DAW1: variants seen among roughly 807,000 people sequenced by gnomAD.
The protein encoded by DAW1 is dynein assembly factor with WD repeats 1.
In DAW1, 47 loss-of-function variants were observed where a neutral mutation model predicts 56.5. The ratio of observed to expected loss-of-function variants is 0.83; its 90% CI spans 0.66 to 1.06. The LOEUF is 1.06. Ranked by LOEUF, DAW1 falls within the 50% of genes least tolerant of loss-of-function variation. DAW1 has a pLI of 0.00. For synonymous variants in DAW1, 190 were observed against 179.0 expected (o/e 1.06, Z -0.49); for missense variants, 505 against 499.3 (o/e 1.01, Z -0.11).
chr2:227,893,990 A>T (rs1442718653), intron 5 of DAW1, 73 bp downstream of exon 5: 1 of 1,436,334 alleles, frequency 7.0e-7, no homozygotes, highest in East Asian at 2.5e-5. Flanking sequence ...GGAGAAAGGG[A>T]AGAAGACAAG....
At chr2:227,901,732 A>G (rs1691551261) in intron 6 of DAW1, among the ~76,000 whole-genome samples, 1 of 152,228 alleles carries the variant, frequency 6.6e-6, no homozygotes, top group South Asian at 2.1e-4. Flanking sequence ...GAGTGAGCAG[A>G]AGATGGACAA....
At chr2:227,880,469 C>T (rs190457370) in intron 1 of DAW1, among the ~76,000 whole-genome samples, 1 of 150,098 alleles carries the variant, frequency 6.7e-6, no homozygotes, top group Non-Finnish European at 1.5e-5. Context: ...TGCTTTTGAT[C>T]CTAGAGTTTG....
chr2:227,894,150 C>T (rs1691351715), intron 5 of DAW1, among the ~76,000 whole-genome samples: 1 of 152,102 alleles, frequency 6.6e-6, no homozygotes, highest in Non-Finnish European at 1.5e-5. Context: ...GCCTGTAATC[C>T]TAGCACTCTG....
intron 1 of DAW1, among the ~76,000 whole-genome samples, chr2:227,884,071 C>T (rs149989137): frequency 5.9e-5 from 9 of 152,210 alleles, no homozygotes; most frequent in South Asian, 2.1e-4. Context: ...CTGGGCTGTT[C>T]GGATGGAATA....
At chr2:227,882,874 T>G (rs1691042014) in intron 1 of DAW1, among the ~76,000 whole-genome samples, 1 of 152,188 alleles carries the variant, frequency 6.6e-6, no homozygotes, top group Non-Finnish European at 1.5e-5. Context: ...CTCCTTTCCT[T>G]CCACCATGAT....
chr2:227,905,158 A>G (rs1161341693), intron 8 of DAW1, 123 bp downstream of exon 8: 27 of 618,460 alleles, frequency 4.4e-5, no homozygotes, highest in Non-Finnish European at 5.8e-5. Flanking sequence ...AATAGGACAT[A>G]TTGAAAATGT....
intron 3 of DAW1, among the ~76,000 whole-genome samples, chr2:227,891,007 A>G (rs1360873941): frequency 6.6e-6 from 1 of 152,264 alleles, no homozygotes; most frequent in African/African-American, 2.4e-5. Flanking sequence ...TTATTGAAAC[A>G]TATTTAGTGT....
At chr2:227,911,014 C>T (rs763812054) in intron 10 of DAW1, among the ~76,000 whole-genome samples, 6 of 151,758 alleles carry the variant, frequency 4.0e-5, no homozygotes, top group South Asian at 2.1e-4. Flanking sequence ...CATATAACAC[C>T]GCCCTATATC....
intron 1 of DAW1, 100 bp downstream of exon 1, chr2:227,871,829 G>A (rs544005414): frequency 4.1e-5 from 62 of 1,524,296 alleles, no homozygotes; most frequent in Non-Finnish European, 5.4e-5. Flanking sequence ...AAAGGCGGCG[G>A]GGTCCCCAGG....
chr2:227,905,651 G>A (rs920161809), intron 8 of DAW1, among the ~76,000 whole-genome samples: 7 of 152,184 alleles, frequency 4.6e-5, no homozygotes, highest in African/African-American at 1.7e-4. Flanking sequence ...ACTTCTTACG[G>A]CCTTTACTAT....
intron 2 of DAW1, among the ~76,000 whole-genome samples, chr2:227,887,321 T>C (rs78653458): frequency 0.046 from 6,937 of 152,292 alleles, 578 homozygotes; most frequent in African/African-American, 0.16. Flanking sequence ...GAACATGTTA[T>C]TGATTTGTTT....
At chr2:227,896,926 TA>T (rs1243973433) in intron 5 of DAW1, among the ~76,000 whole-genome samples, 2 of 150,374 alleles carry the variant, frequency 1.3e-5, no homozygotes, top group African/African-American at 2.4e-5. Flanking sequence ...CTACAAAAAA[TA>T]AAAAAAAATT....
chr2:227,874,991 A>C (rs72968983), intron 1 of DAW1, among the ~76,000 whole-genome samples: 8,121 of 128,912 alleles, frequency 0.063, 260 homozygotes, highest in Middle Eastern at 0.15. Context: ...AACAAACAGA[A>C]AAACAAAAAA....
chr2:227,902,417 A>G (rs1476557429), intron 6 of DAW1, among the ~76,000 whole-genome samples: 1 of 152,134 alleles, frequency 6.6e-6, no homozygotes, highest in East Asian at 1.9e-4. Flanking sequence ...ATGAGATGAA[A>G]GATCTTCTGG....
intron 1 of DAW1, among the ~76,000 whole-genome samples, chr2:227,875,282 T>G (rs1202271943): frequency 6.6e-6 from 1 of 152,210 alleles, no homozygotes; most frequent in Non-Finnish European, 1.5e-5. Context: ...GCTTGAAAGC[T>G]TCCTTCCACC....
intron 1 of DAW1, among the ~76,000 whole-genome samples, chr2:227,877,308 A>G: frequency 6.6e-6 from 1 of 152,200 alleles, no homozygotes; most frequent in Admixed American, 6.5e-5. Flanking sequence ...ATGTGCCATC[A>G]CACCCAACTA....
intron 6 of DAW1, among the ~76,000 whole-genome samples, chr2:227,901,710 A>G (rs1468942921): frequency 6.6e-6 from 1 of 152,232 alleles, no homozygotes; most frequent in African/African-American, 2.4e-5. Flanking sequence ...GAGTGGTTTC[A>G]GAAGAGTTGA....
At position 227,924,073 on chromosome 2, in the gene DAW1, T is replaced by G. The variant is rs989839760; in HGVS notation, c.*105T>G. The G allele has an allele frequency of 1.5e-6, 2 of 1,364,384 alleles. No individual in the cohort carries two copies. 84.5% of individuals were successfully genotyped at this position (1,364,384 alleles called of 1,614,324 possible). A position where few individuals can be genotyped will look rare whatever the true frequency, so the allele number is the denominator to read the frequency against. ...ATATTTCTTATACTTTCTCTTTTTC[T>G]GCAAGTCAACTATTTCTACAACTGT... On this transcript the variant is annotated 3_prime_UTR_variant, in exon 13 of 13. Coordinates refer to ENST00000309931, the MANE Select transcript of DAW1 (RefSeq NM_178821.3).
At chr2:227,892,326 G>A (rs781021398) in intron 4 of DAW1, among the ~76,000 whole-genome samples, 2 of 151,768 alleles carry the variant, frequency 1.3e-5, no homozygotes, top group Non-Finnish European at 2.9e-5. Flanking sequence ...CAGAGACGGG[G>A]TTTCTCCATG....
Sources: gnomAD v4.1 joint callset for allele counts (sites outside exome capture counted in the v4.1 genomes callset) on GRCh38, gnomAD v4.1.1 for gene constraint, MANE v1.5 for transcripts, NCBI Gene and HGNC (gene_info 2026-07-23, HGNC 2026-07-21) for gene names.